The following RADIL variants were observed in gnomAD, a reference collection of about 807,000 sequenced individuals.
RADIL encodes the protein Rap associating with DIL domain, also known as ras-associating and dilute domain-containing protein.
RADIL carries 99 observed loss-of-function variants against 97.6 expected under a neutral mutation model. The ratio of observed to expected loss-of-function variants is 1.01; its 90% confidence interval spans 0.86 to 1.20. RADIL has a LOEUF of 1.20. Among genes scored for constraint, RADIL ranks in the 50% most tolerant of loss-of-function variants. The pLI, the probability that RADIL is intolerant of heterozygous loss-of-function variation, is 0.00. For missense variants in RADIL, 1,765 were observed against 1,498.9 expected (o/e 1.18, Z -2.93); for synonymous variants, 803 against 691.8 (o/e 1.16, Z -2.52).
rs1157791015 is a variant in RADIL at position 4,880,870 on chromosome 7, G to A, written c.-64-2667C>T. On this transcript the variant is annotated intron_variant, in intron 1 of 14. Transcript: ENST00000399583. This position sits in a 1 kb window ranked among gnomAD's most constrained non-coding sequence, Gnocchi z 4.5. ...CCAAGTATTTAAAAGGCCAAGGCAG[G>A]AGAATGGCTTAAGGCCAGGAGTTCA... Among the ~76,000 whole-genome samples, 2 of 152,222 alleles carry A rather than the reference G, an allele frequency of 1.3e-5. No homozygotes were observed. Among genetic ancestry groups the A allele is most frequent in the Admixed American group, 1.3e-4 (2 of 15,280 alleles).
At chr7:4,859,743 C>T (rs1456791281) in intron 2 of RADIL, 1 of 614,712 alleles carries the variant, frequency 1.6e-6, no homozygotes, top group East Asian at 2.7e-5. Flanking sequence ...CCGGAAAGAT[C>T]TATACTGATG....
At chr7:4,866,209 G>A (rs534082425) in intron 2 of RADIL, among the ~76,000 whole-genome samples, 3 of 152,244 alleles carry the variant, frequency 2.0e-5, no homozygotes, top group Admixed American at 6.5e-5. Flanking sequence ...GCAGTAGTGT[G>A]ATCATAGCTC....
At chr7:4,830,608 T>C (rs556343499) in intron 5 of RADIL, among the ~76,000 whole-genome samples, 22 of 152,296 alleles carry the variant, frequency 1.4e-4, no homozygotes, top group Non-Finnish European at 2.6e-4. Context: ...CCAGGCACAG[T>C]GGCTCACGCT....
chr7:4,833,888 T>A (rs948364229), intron 4 of RADIL, among the ~76,000 whole-genome samples: 1 of 152,150 alleles, frequency 6.6e-6, no homozygotes, highest in African/African-American at 2.4e-5. Flanking sequence ...CCTGGGGACA[T>A]TGGCAATGCC....
rs1782617023 is a variant in RADIL at position 4,814,206 on chromosome 7, C to CT, written c.2139+1071dup. ...TGTGGCATTAAAAAGCATTGCTTTA[C>CT]TTCTGTTTAGTGATACTGTAGGAGA... On this transcript the variant is annotated intron_variant, in intron 9 of 14. Coordinates refer to ENST00000399583, the MANE Select transcript of RADIL (RefSeq NM_018059.5). The surrounding 1 kb of genome is among the most constrained non-coding windows in gnomAD (Gnocchi z 4.5). 6.6e-6 allele frequency among the ~76,000 whole-genome samples: 1 copy of CT among 152,220 alleles called. No individual in the cohort carries two copies. The highest frequency in any genetic ancestry group is 1.5e-5 in the Non-Finnish European group (1 of 68,042).
At chr7:4,882,806 T>A (rs2115059738) in intron 1 of RADIL, among the ~76,000 whole-genome samples, 1 of 152,332 alleles carries the variant, frequency 6.6e-6, no homozygotes, top group South Asian at 2.1e-4. Flanking sequence ...CAAGACTGGT[T>A]CCTGTCTGGA....
Position 4,872,253 on chromosome 7 carries a change from G to A in RADIL, c.535+5352C>T, listed in dbSNP as rs1784273465. ...CTGGCCATGTCTGCAGACATCTTTGGTTGTTACAACTTGGGGGTGGGGGCA... is the reference window on the plus strand; with the variant it reads ...CTGGCCATGTCTGCAGACATCTTTGATTGTTACAACTTGGGGGTGGGGGCA... On this transcript the variant is annotated intron_variant, in intron 2 of 14. Transcript: ENST00000399583. The surrounding 1 kb of genome is among the most constrained non-coding windows in gnomAD (Gnocchi z 5.8). Among the ~76,000 whole-genome samples, 1 of 152,220 alleles carries A rather than the reference G, an allele frequency of 6.6e-6. No individual in the cohort carries two copies. The highest frequency in any genetic ancestry group is 2.4e-5 in the African/African-American group (1 of 41,456).
chr7:4,883,604 C>G lies in RADIL; in HGVS notation c.-73G>C, dbSNP rs1784529461. ...GCGCACCCCACACTCACCTCCGGCA[C>G]AACCCGCCGCGCCGCCACGTTCCCG... On this transcript the variant is annotated 5_prime_UTR_variant, in exon 1 of 15. Coordinates refer to ENST00000399583, the MANE Select transcript of RADIL (RefSeq NM_018059.5). This position sits in a 1 kb window ranked among gnomAD's most constrained non-coding sequence, Gnocchi z 7.1. 6.6e-6 allele frequency: 1 copy of G among 151,966 alleles called. No individual in the cohort carries two copies. Among genetic ancestry groups the G allele is most frequent in the African/African-American group, 2.4e-5 (1 of 41,410 alleles). 9.4% of individuals were successfully genotyped at this position (151,966 alleles called of 1,614,324 possible).
chr7:4,846,235 C>T (rs1783569401), intron 2 of RADIL, among the ~76,000 whole-genome samples: 1 of 151,470 alleles, frequency 6.6e-6, no homozygotes, highest in Non-Finnish European at 1.5e-5. Context: ...CAACCTCCGA[C>T]TCCCTGGTTC....
chr7:4,871,626 G>A lies in RADIL; in HGVS notation c.535+5979C>T, dbSNP rs115418531. Among the ~76,000 whole-genome samples, 762 of 152,268 alleles carry A rather than the reference G, an allele frequency of 5.0e-3. 5 individuals are homozygous for A. The highest frequency in any genetic ancestry group is 8.4e-3 in the African/African-American group (351 of 41,548). ...GGCCAGGGCTGCAGGTTCCTCTGTC[G>A]CTCAAGCCACATCCACACTCCTGGA... On this transcript the variant is annotated intron_variant, in intron 2 of 14. Transcript: ENST00000399583.
chr7:4,805,875 A>T (rs1232663997), intron 9 of RADIL, 159 bp from the exon 10 acceptor site: 7 of 985,240 alleles, frequency 7.1e-6, no homozygotes, highest in Non-Finnish European at 8.4e-6. Flanking sequence ...GTGTCACAGC[A>T]GCAGTTCACC....
At position 4,883,540 on chromosome 7, in the gene RADIL, G is replaced by T. The variant is rs890541010; in HGVS notation, c.-65+56C>A. The T allele has an allele frequency of 2.0e-5, 3 of 152,414 alleles. No homozygotes were observed. The highest frequency in any genetic ancestry group is 2.1e-4 in the South Asian group (1 of 4,850). The allele number at this position is 152,414 out of a possible 1,614,324, so 9.4% of individuals were successfully genotyped here. On this transcript the variant is annotated intron_variant, in intron 1 of 14. Transcript: ENST00000399583. The surrounding 1 kb of genome is among the most constrained non-coding windows in gnomAD (Gnocchi z 7.1). Reference sequence around the variant, plus strand: ...AGGTCCCCGGCAGCGGCCGAGCAGCGCCCCTTACGAGCCACCCCCGGTTCC... The same window carrying T: ...AGGTCCCCGGCAGCGGCCGAGCAGCTCCCCTTACGAGCCACCCCCGGTTCC...
intron 12 of RADIL, 45 bp downstream of exon 12, chr7:4,801,608 C>T (rs1383258734): frequency 4.5e-6 from 7 of 1,538,966 alleles, no homozygotes; most frequent in Middle Eastern, 2.3e-4. Flanking sequence ...GGGTGCTGTG[C>T]GGGGTCTGGG....
Position 4,840,832 on chromosome 7 carries a change from A to T in RADIL, c.536-4227T>A, listed in dbSNP as rs1401124593. On this transcript the variant is annotated intron_variant, in intron 2 of 14. Transcript: ENST00000399583. This position sits in a 1 kb window ranked among gnomAD's most constrained non-coding sequence, Gnocchi z 5.6. ...AAATACAAAACTTAGCTGGGCGTGG[A>T]GGTGGGCGCCTGTAGTCCCGGCTAC... Among the ~76,000 whole-genome samples the T allele has an allele frequency of 5.9e-5, 9 of 152,044 alleles. No individual in the cohort carries two copies. The highest frequency in any genetic ancestry group is 3.9e-4 in the Admixed American group (6 of 15,266).
At chr7:4,881,186 C>T (rs1217778035) in intron 1 of RADIL, among the ~76,000 whole-genome samples, 1 of 144,394 alleles carries the variant, frequency 6.9e-6, no homozygotes, top group Admixed American at 7.1e-5. Flanking sequence ...GAGGCTGAGG[C>T]GGGCAGATCA....
chr7:4,827,989 T>A (rs1048366581), intron 5 of RADIL, among the ~76,000 whole-genome samples: 9 of 151,842 alleles, frequency 5.9e-5, no homozygotes, highest in African/African-American at 2.2e-4. Context: ...ACAGTCAACA[T>A]CACTAATTCT....
At chr7:4,832,080 G>C in intron 5 of RADIL, 61 bp downstream of exon 5, 1 of 1,573,210 alleles carries the variant, frequency 6.4e-7, no homozygotes, top group Non-Finnish European at 8.7e-7. Flanking sequence ...GCTCCCCCGG[G>C]AAGTGTGAGC....
chr7:4,799,563 C>T (rs1486406345), intron 14 of RADIL, 67 bp downstream of exon 14: 3 of 1,610,580 alleles, frequency 1.9e-6, no homozygotes, highest in Non-Finnish European at 2.5e-6. Flanking sequence ...CTCTCCTTTA[C>T]CCCAGGTCCA....
chr7:4,873,121 C>A lies in RADIL; in HGVS notation c.535+4484G>T, dbSNP rs893707015. ...ACTTCTTTTATATTTTCAGTAGAGACGGGGTTTCACCATGTTGGTCAGACT... is the reference window on the plus strand; with the variant it reads ...ACTTCTTTTATATTTTCAGTAGAGAAGGGGTTTCACCATGTTGGTCAGACT... On this transcript the variant is annotated intron_variant, in intron 2 of 14. Coordinates refer to ENST00000399583, the MANE Select transcript of RADIL (RefSeq NM_018059.5). This position sits in a 1 kb window ranked among gnomAD's most constrained non-coding sequence, Gnocchi z 4.3. Among the ~76,000 whole-genome samples, 2 of 152,120 alleles carry A rather than the reference C, an allele frequency of 1.3e-5. No homozygotes were observed. Among genetic ancestry groups the A allele is most frequent in the Admixed American group, 1.3e-4 (2 of 15,260 alleles).
Sources: gnomAD v4.1 joint callset for allele counts (sites outside exome capture counted in the v4.1 genomes callset) on GRCh38, gnomAD v4.1.1 for gene constraint, Gnocchi (gnomAD v3.1) non-coding constraint, MANE v1.5 for transcripts, NCBI Gene and HGNC (gene_info 2026-07-23, HGNC 2026-07-21) for gene names.